Variants in SLC14A2 observed in about 807,000 individuals in gnomAD.
SLC14A2 encodes the protein solute carrier family 14 member 2.
SLC14A2 carries 91 observed loss-of-function variants against 104.6 expected under a neutral mutation model. The observed-to-expected ratio is 0.87, with a 90% confidence interval of 0.73 to 1.04. SLC14A2 has a LOEUF of 1.04. SLC14A2 is among the 50% of genes least tolerant of loss of function. SLC14A2 has a pLI of 0.00. For synonymous variants in SLC14A2, 476 were observed against 466.4 expected, an observed-to-expected ratio of 1.02 and a Z score of -0.27; for missense variants, 1,189 against 1,156.0, an observed-to-expected ratio of 1.03 and a Z score of -0.41.
intron 1 of SLC14A2, among the ~76,000 whole-genome samples, chr18:45,379,426 C>T (rs1423458781): frequency 1.3e-5 from 2 of 152,136 alleles, no homozygotes; most frequent in African/African-American, 4.8e-5. Flanking sequence ...AGATCTGCAC[C>T]ACATGGAACT....
chr18:45,242,784 G>C (rs528718526), intron 1 of SLC14A2, among the ~76,000 whole-genome samples: 4 of 152,314 alleles, frequency 2.6e-5, no homozygotes, highest in African/African-American at 9.6e-5. Flanking sequence ...TTTTCAAAGA[G>C]TGAGATGTTG....
rs552747292 is a variant in SLC14A2, at chr18:45,627,962, C to T, written c.521+815C>T. 1.1e-4 allele frequency among the ~76,000 whole-genome samples: 16 copies of T among 141,054 alleles called. No individual in the cohort carries two copies. The East Asian group carries it at 2.9e-3, about 25-fold the overall frequency. 92.5% of individuals were successfully genotyped at this position (141,054 alleles called of 152,430 possible). ...AGGTTGCAGTGAGCCAAGATCGTGC[C>T]ACTGCACTCCAGCCAGGGTGACAGA... On this transcript the variant is annotated intron_variant, in intron 4 of 19. Coordinates refer to ENST00000255226, the MANE Select transcript of SLC14A2 (RefSeq NM_007163.4).
chr18:45,231,109 G>A (rs1435331666), intron 1 of SLC14A2, among the ~76,000 whole-genome samples: 3 of 152,170 alleles, frequency 2.0e-5, no homozygotes, highest in East Asian at 1.9e-4. Context: ...AGAAATTGAC[G>A]CACAGAGAAG....
intron 2 of SLC14A2, among the ~76,000 whole-genome samples, chr18:45,517,583 A>G (rs1344042841): frequency 6.6e-6 from 1 of 152,226 alleles, no homozygotes. Flanking sequence ...GCTGCTATCC[A>G]GCTTGCCGAA....
chr18:45,298,908 G>A (rs2084941691), intron 1 of SLC14A2, among the ~76,000 whole-genome samples: 1 of 151,758 alleles, frequency 6.6e-6, no homozygotes, highest in African/African-American at 2.4e-5. Context: ...CAAAATTTTT[G>A]TGTTTTTAAA....
chr18:45,200,376 C>T, the SLC14A2 span, among the ~76,000 whole-genome samples: 3 of 152,160 alleles, frequency 2.0e-5, no homozygotes, highest in South Asian at 2.1e-4. Flanking sequence ...GAAACTAATG[C>T]CTTCCTTACC....
chr18:45,579,295 A>T (rs753614427), intron 2 of SLC14A2, among the ~76,000 whole-genome samples: 1 of 152,212 alleles, frequency 6.6e-6, no homozygotes, highest in Non-Finnish European at 1.5e-5. Flanking sequence ...CCATTTTTGC[A>T]GTCTGTCATG....
intron 11 of SLC14A2, among the ~76,000 whole-genome samples, 186 bp downstream of exon 11, chr18:45,664,093 G>A (rs75088085): frequency 1.3e-5 from 2 of 152,272 alleles, no homozygotes; most frequent in African/African-American, 2.4e-5. Flanking sequence ...CCTGGGTCTC[G>A]GAGAGGCTGA....
intron 2 of SLC14A2, among the ~76,000 whole-genome samples, chr18:45,597,721 G>T (rs2044734509): frequency 6.6e-6 from 1 of 152,228 alleles, no homozygotes; most frequent in African/African-American, 2.4e-5. Flanking sequence ...TTAGGCTGCT[G>T]TGTGGAAAAT....
chr18:45,277,512 G>A (rs1421315580), intron 1 of SLC14A2, among the ~76,000 whole-genome samples: 2 of 152,046 alleles, frequency 1.3e-5, no homozygotes, highest in East Asian at 1.9e-4. Context: ...GGGCTCAAGC[G>A]ATCCTCCTAC....
chr18:45,606,068 GC>G (rs1249589046), intron 2 of SLC14A2, among the ~76,000 whole-genome samples: 4 of 152,122 alleles, frequency 2.6e-5, no homozygotes, highest in Admixed American at 6.6e-5. Context: ...CCAGCTGGAG[GC>G]GGGGAGGTGA....
chr18:45,681,890 A>G (rs1196068009), intron 19 of SLC14A2, among the ~76,000 whole-genome samples: 1 of 152,248 alleles, frequency 6.6e-6, no homozygotes, highest in Admixed American at 6.5e-5. Context: ...CCAATCAGCT[A>G]TGACCAAACA....
intron 1 of SLC14A2, among the ~76,000 whole-genome samples, chr18:45,416,906 A>G (rs1051863402): frequency 2.6e-5 from 4 of 152,192 alleles, no homozygotes; most frequent in African/African-American, 9.7e-5. Context: ...CTGATGTATC[A>G]TCTGAGGAGG....
chr18:45,363,092 C>T lies in SLC14A2; in HGVS notation c.-124-120141C>T, dbSNP rs146258132. On this transcript the variant is annotated intron_variant, in intron 1 of 20. Coordinates refer to the SLC14A2 transcript ENST00000586448. ...CCCCAACCCTCGGCCAAATCAAGAG[C>T]GTTGTATTTCCCAAACCCCATTTCA... Among the ~76,000 whole-genome samples the T allele has an allele frequency of 2.6e-3, 393 of 152,280 alleles. 4 individuals are homozygous for T. The highest frequency in any genetic ancestry group is 0.01 in the Middle Eastern group (3 of 294).
At chr18:45,200,937 C>T in the SLC14A2 span, among the ~76,000 whole-genome samples, 1 of 152,078 alleles carries the variant, frequency 6.6e-6, no homozygotes, top group South Asian at 2.1e-4. Context: ...CTCTTCTCTT[C>T]TAGGATCCTA....
At chr18:45,254,307 G>T (rs556801123) in intron 1 of SLC14A2, among the ~76,000 whole-genome samples, 1 of 152,316 alleles carries the variant, frequency 6.6e-6, no homozygotes, top group South Asian at 2.1e-4. Context: ...GGCACCCTGG[G>T]GAGAGACACA....
intron 2 of SLC14A2, among the ~76,000 whole-genome samples, chr18:45,489,243 A>G (rs184238002): frequency 6.4e-4 from 98 of 152,260 alleles, no homozygotes; most frequent in African/African-American, 2.3e-3. Context: ...TGAATTTCAC[A>G]ATGCTACTTA....
At chr18:45,462,327 G>C (rs184751898) in intron 1 of SLC14A2, among the ~76,000 whole-genome samples, 142 of 152,238 alleles carry the variant, frequency 9.3e-4, no homozygotes, top group African/African-American at 3.2e-3. Flanking sequence ...GCCAACTTGC[G>C]GGAACCAAGC....
In SLC14A2 at chr18:45,652,633, C is replaced by T. The variant is rs139818032; in HGVS notation, c.1351+8473C>T. ...GTTGAAAACGTAGAATTGAAGGAAGCCACGAGCATTGTGAAGAAAACCTTG... is the reference window on the plus strand; with the variant it reads ...GTTGAAAACGTAGAATTGAAGGAAGTCACGAGCATTGTGAAGAAAACCTTG... On this transcript the variant is annotated intron_variant, in intron 10 of 19. Coordinates refer to ENST00000255226, the MANE Select transcript of SLC14A2 (RefSeq NM_007163.4). Among the ~76,000 whole-genome samples the T allele has an allele frequency of 3.0e-3, 457 of 152,318 alleles. 1 individual carries two copies. Among genetic ancestry groups the T allele is most frequent in the African/African-American group, 9.4e-3 (391 of 41,574 alleles).
Sources: gnomAD v4.1 joint callset for allele counts (sites outside exome capture counted in the v4.1 genomes callset) on GRCh38, gnomAD v4.1.1 for gene constraint, MANE v1.5 for transcripts, NCBI Gene and HGNC (gene_info 2026-07-23, HGNC 2026-07-21) for gene names.